The following SBK2 variants were observed in gnomAD, a reference collection of about 807,000 sequenced individuals.
SBK2 encodes serine/threonine-protein kinase SBK2.
Under a neutral mutation model 15.9 loss-of-function variants are expected in SBK2, and 18 were observed. The ratio of observed to expected loss-of-function variants is 1.13; its 90% confidence interval spans 0.78 to 1.68. The LOEUF (loss-of-function observed/expected upper bound fraction) is 1.68. Ranked by LOEUF, SBK2 falls within the 40% of genes most tolerant of loss-of-function variation. The probability of loss-of-function intolerance (pLI) is 0.00; values close to 1 mark genes in which losing one functional copy is unlikely to be tolerated. For missense variants in SBK2, 581 were observed against 510.9 expected (o/e 1.14, Z -1.32); for synonymous variants, 284 against 246.8 (o/e 1.15, Z -1.41).
rs1315604311 is a variant in SBK2 at position 55,531,139 on chromosome 19, G to T, written c.456+4C>A. On this transcript the variant is annotated splice_donor_region_variant and intron_variant, in intron 3 of 3. Coordinates refer to ENST00000413299, the MANE Select transcript of SBK2 (RefSeq NM_001370096.2). ...CGGAGGCGGCCTGGGGTCTGCCTAC[G>T]CACCTTGGGCTGGATGAAGGCCATG... 2 of 1,609,404 alleles carry T rather than the reference G, an allele frequency of 1.2e-6. No homozygotes were observed. The highest frequency in any genetic ancestry group is 1.1e-5 in the South Asian group (1 of 91,068).
intron 2 of SBK2, among the ~76,000 whole-genome samples, chr19:55,531,715 C>T (rs1416341505): frequency 2.0e-5 from 3 of 152,192 alleles, no homozygotes; most frequent in Non-Finnish European, 4.4e-5. Context: ...CTGTGGCTCA[C>T]GCCTGTAATC....
intron 3 of SBK2, 108 bp downstream of exon 3, chr19:55,531,035 C>G (rs1175594344): frequency 5.8e-6 from 6 of 1,028,782 alleles, no homozygotes; most frequent in Admixed American, 2.0e-5. Context: ...TAGGGGAGGC[C>G]CAGGGAGGCC....
In SBK2 at chr19:55,530,077, G is replaced by A; in HGVS notation, c.703C>T (p.Pro235Ser). Residue 235 changes from proline (P) to serine (S), a missense_variant, in exon 4 of 4, where the codon CCC becomes TCC. Physicochemically the swap from Pro to Ser is moderately conservative, Grantham distance 74 (BLOSUM62 -1). Transcript: ENST00000413299. ...GCGGGCTGAATGGGCAGGCCCTCGG[G>A]GAGCGGCGGGGGCGCGCAGAGCTCG... is the stretch of plus-strand genomic sequence containing the variant. ...APELCAPPPL[P>S]EGLPIQPALD... 6.9e-7 allele frequency: 1 copy of A among 1,445,066 alleles called. No homozygotes were observed. The highest frequency in any genetic ancestry group is 9.1e-7 in the Non-Finnish European group (1 of 1,104,808). The allele number at this position is 1,445,066 out of a possible 1,614,324, so 89.5% of individuals were successfully genotyped here.
rs765985052 is a variant in SBK2 at position 55,536,111 on chromosome 19, A to G, written c.184T>C (p.Tyr62His). Residue 62 changes from tyrosine (Y) to histidine (H), a missense_variant, in exon 2 of 4, where the codon TAC (tyrosine) becomes CAC (histidine). By Grantham distance (83) the Tyr-to-His change is moderately conservative (BLOSUM62 2). Transcript: ENST00000413299. ...TLVRAEVDEL[Y>H]EEVRPLGQGC... ...TGGCCCAGGGGACGCACTTCCTCGT[A>G]GAGCTCGTCCACCTCGGCTCGGACC... is the stretch of plus-strand genomic sequence containing the variant. The G allele has an allele frequency of 1.0e-5, 16 of 1,546,892 alleles. No individual in the cohort carries two copies. Among genetic ancestry groups the G allele is most frequent in the Middle Eastern group, 3.4e-4 (2 of 5,832 alleles).
At chr19:55,534,115 G>A (rs1256203013) in intron 2 of SBK2, among the ~76,000 whole-genome samples, 2 of 152,130 alleles carry the variant, frequency 1.3e-5, no homozygotes, top group African/African-American at 4.8e-5. Context: ...ACTGAATTGT[G>A]TATCCCCAAA....
rs1419848509 is a variant in SBK2, at chr19:55,529,728, C to A, written c.*5G>T. On this transcript the variant is annotated 3_prime_UTR_variant, in exon 4 of 4. Transcript: ENST00000413299. ...GCTTCCCTTTCTGCATCCCCCGGGG[C>A]CTCCTCACTGCCCAGCCTCCTCTTC... 2 of 1,598,798 alleles carry A rather than the reference C, an allele frequency of 1.3e-6. No individual in the cohort carries two copies. The highest frequency in any genetic ancestry group is 1.3e-5 in the African/African-American group (1 of 74,792).
In SBK2 at chr19:55,529,644, A is replaced by G. The variant is rs1248604753; in HGVS notation, c.*89T>C. On this transcript the variant is annotated 3_prime_UTR_variant, in exon 4 of 4. Transcript: ENST00000413299. ...CCGAGGGGAATCCCAAGCCCCATGG[A>G]TGAAAACACACCGAGGAGACACCAA... is the stretch of plus-strand genomic sequence containing the variant. 5 of 1,493,154 alleles carry G rather than the reference A, an allele frequency of 3.3e-6. No individual in the cohort carries two copies. The highest frequency in any genetic ancestry group is 4.4e-6 in the Non-Finnish European group (5 of 1,125,846). The allele number at this position is 1,493,154 out of a possible 1,614,324, so 92.5% of individuals were successfully genotyped here.
At chr19:55,535,218 G>A (rs904748918) in intron 2 of SBK2, among the ~76,000 whole-genome samples, 2 of 148,266 alleles carry the variant, frequency 1.3e-5, no homozygotes, top group African/African-American at 4.9e-5. Flanking sequence ...GGCCTCAGAA[G>A]GCGTGCCCTG....
Position 55,536,060 on chromosome 19 carries a change from C to T in SBK2, c.235G>A (p.Val79Ile). Residue 79 changes from valine (V) to isoleucine (I), a missense_variant, in exon 2 of 4, where the codon GTC becomes ATC. Transcript: ENST00000413299. Reference protein sequence around the residue: ...GQGCYGRVLLVTHRQKGTPLA... With the variant: ...GQGCYGRVLLITHRQKGTPLA... ...CTCGTACCTTTCTGACGATGGGTGA[C>T]CAGAAGGACGCGGCCATAGCAACCC... is the stretch of plus-strand genomic sequence containing the variant. 1 of 1,482,844 alleles carries T rather than the reference C, an allele frequency of 6.7e-7. No individual in the cohort carries two copies. The highest frequency in any genetic ancestry group is 9.0e-7 in the Non-Finnish European group (1 of 1,109,950). 91.9% of individuals were successfully genotyped at this position (1,482,844 alleles called of 1,614,324 possible). A position where few individuals can be genotyped will look rare whatever the true frequency, so the allele number is the denominator to read the frequency against.
intron 2 of SBK2, 137 bp from the exon 3 acceptor site, chr19:55,531,482 C>A (rs1488816216): frequency 7.4e-6 from 5 of 674,222 alleles, no homozygotes; most frequent in African/African-American, 7.1e-5. Flanking sequence ...CCTCCTCCAA[C>A]TCCCACCTCC....
At chr19:55,533,001 T>G (rs1306064310) in intron 2 of SBK2, among the ~76,000 whole-genome samples, 1 of 152,040 alleles carries the variant, frequency 6.6e-6, no homozygotes, top group East Asian at 1.9e-4. Context: ...GGGTGCAACC[T>G]TCCCCCTCAC....
Position 55,529,914 on chromosome 19 carries a change from C to T in SBK2, c.866G>A (p.Arg289His), listed in dbSNP as rs757251646. ...GGCCAGGCCGAACCAGGGCTGAGGG[C>T]GGTCCCGGGGCTGGCCCGACGCCTG... Reference protein sequence around the residue: ...IWQASGQPRDRPQPWFGLAAA... With the variant: ...IWQASGQPRDHPQPWFGLAAA... The change falls in exon 4 of 4, where the codon CGC (arginine) becomes CAC (histidine). Residue 289 changes from arginine (R) to histidine (H), a missense_variant. Transcript: ENST00000413299. The T allele has an allele frequency of 1.9e-6, 3 of 1,544,144 alleles. No homozygotes were observed. The highest frequency in any genetic ancestry group is 8.7e-7 in the Non-Finnish European group (1 of 1,148,140).
rs35461460 is a variant in SBK2, at chr19:55,534,704, CAAAA to C, written c.253+1334_253+1337del. ...CCTGGACAACAGCGAGACCCTGTCTCAAAAAAAAAAAAAAAAGAAAAAAAAAGAA... is the reference window on the plus strand; with the variant it reads ...CCTGGACAACAGCGAGACCCTGTCTCAAAAAAAAAAAAGAAAAAAAAAGAA... On this transcript the variant is annotated intron_variant, in intron 2 of 3. Coordinates refer to ENST00000413299, the MANE Select transcript of SBK2 (RefSeq NM_001370096.2). 4.8e-5 allele frequency among the ~76,000 whole-genome samples: 4 copies of C among 82,594 alleles called. No homozygotes were observed. In the Admixed American group the frequency reaches 5.0e-4, roughly 10 times the overall value. The allele number at this position is 82,594 out of a possible 152,430, so 54.2% of individuals were successfully genotyped here.
rs1459265315 is a variant in SBK2, at chr19:55,530,137, G to T, written c.643C>A (p.Arg215Ser). ...GHTRPRGTLL[R>S]LAGPPIPYTA... ...TAGGGGATGGGCGGCCCGGCCAGGC[G>T]CAGCAGCGTCCCGCGAGGCCTCGTG... Residue 215 changes from arginine (R) to serine (S), a missense_variant, in exon 4 of 4, where the codon CGC becomes AGC. By Grantham distance (110) the Arg-to-Ser change is moderately radical. Coordinates refer to ENST00000413299, the MANE Select transcript of SBK2 (RefSeq NM_001370096.2). The T allele has an allele frequency of 1.6e-5, 24 of 1,484,870 alleles. No homozygotes were observed. In the Admixed American group the frequency reaches 5.1e-4, roughly 32 times the overall value. 92.0% of individuals were successfully genotyped at this position (1,484,870 alleles called of 1,614,324 possible).
chr19:55,531,119 G>T, intron 3 of SBK2, 24 bp downstream of exon 3: 2 of 1,600,348 alleles, frequency 1.2e-6, no homozygotes, highest in Non-Finnish European at 1.7e-6. Flanking sequence ...GCACTCGGAG[G>T]CGGCCTGGGG....
Position 55,529,728 on chromosome 19 carries a change from C to T in SBK2, c.*5G>A, listed in dbSNP as rs1419848509. The T allele has an allele frequency of 1.6e-5, 26 of 1,598,800 alleles. No homozygotes were observed. The highest frequency in any genetic ancestry group is 2.0e-5 in the Non-Finnish European group (24 of 1,179,144). On this transcript the variant is annotated 3_prime_UTR_variant, in exon 4 of 4. Transcript: ENST00000413299. ...GCTTCCCTTTCTGCATCCCCCGGGG[C>T]CTCCTCACTGCCCAGCCTCCTCTTC...
At chr19:55,535,194 C>A (rs989146386) in intron 2 of SBK2, among the ~76,000 whole-genome samples, 6 of 152,140 alleles carry the variant, frequency 3.9e-5, no homozygotes, top group African/African-American at 1.4e-4. Context: ...GCCCAACCCC[C>A]CCAGCACAGG....
rs1414812223 is a variant in SBK2 at position 55,531,281 on chromosome 19, C to G, written c.318G>C (p.Glu106Asp). 4.3e-6 allele frequency: 7 copies of G among 1,613,606 alleles called. No homozygotes were observed. The highest frequency in any genetic ancestry group is 5.9e-6 in the Non-Finnish European group (7 of 1,179,942). Residue 106 changes from glutamate to aspartate, a missense_variant, in exon 3 of 4, where the codon GAG becomes GAC. Coordinates refer to ENST00000413299, the MANE Select transcript of SBK2 (RefSeq NM_001370096.2). ...CGCCCAGCGAGAGCCCCACACAGAA[C>G]TCGTACAGGAAGCCACGGAGGGACG... ...PRTSLRGFLYEFCVGLSLGAH... is the reference protein window; with the variant it reads ...PRTSLRGFLYDFCVGLSLGAH...
At chr19:55,531,852 G>C (rs775421367) in intron 2 of SBK2, among the ~76,000 whole-genome samples, 3 of 152,116 alleles carry the variant, frequency 2.0e-5, no homozygotes, top group Non-Finnish European at 2.9e-5. Context: ...GGTGGCGCAT[G>C]CGTGTAATCC....
Sources: allele counts gnomAD v4.1 joint callset (sites outside exome capture counted in the v4.1 genomes callset), GRCh38; gene constraint gnomAD v4.1.1; transcripts MANE v1.5; gene names NCBI Gene and HGNC (gene_info 2026-07-23, HGNC 2026-07-21).